The following TOGARAM2 variants were observed in gnomAD, a reference collection of about 807,000 sequenced individuals.
TOGARAM2 encodes the protein TOG array regulator of axonemal microtubules 2.
In TOGARAM2, 85 loss-of-function variants were observed where a neutral mutation model predicts 93.3. That is an observed-to-expected ratio of 0.91 (90% CI 0.76 to 1.09). The LOEUF (loss-of-function observed/expected upper bound fraction) is 1.09, where lower values mean the gene tolerates loss of function less well. Ranked by LOEUF, TOGARAM2 falls within the 50% of genes least tolerant of loss-of-function variation. TOGARAM2 has a pLI of 0.00. For synonymous variants in TOGARAM2, 593 were observed against 552.8 expected (o/e 1.07, Z -1.02); for missense variants, 1,277 against 1,334.5 (o/e 0.96, Z 0.67).
chr2:28,984,588 T>C (rs992321621), intron 1 of TOGARAM2, among the ~76,000 whole-genome samples: 1 of 152,244 alleles, frequency 6.6e-6, no homozygotes. Flanking sequence ...TTCAAGCTCC[T>C]GCTACTGGGC....
chr2:28,994,546 G>A (rs1331259497), intron 1 of TOGARAM2, among the ~76,000 whole-genome samples, 179 bp from the exon 2 acceptor site: 4 of 152,302 alleles, frequency 2.6e-5, no homozygotes, highest in East Asian at 1.9e-4. Context: ...AAAACCACAC[G>A]GCCTCGCACT....
chr2:29,024,482 G>A (rs1665201832), intron 13 of TOGARAM2, 108 bp downstream of exon 13: 2 of 789,880 alleles, frequency 2.5e-6, no homozygotes, highest in Admixed American at 2.2e-5. Flanking sequence ...GAGGGAGGGA[G>A]GGAAGCAGGC....
chr2:28,995,899 C>G (rs116414319), intron 2 of TOGARAM2, among the ~76,000 whole-genome samples: 2,862 of 152,162 alleles, frequency 0.019, 92 homozygotes, highest in African/African-American at 0.066. Context: ...GAGGTGGGCT[C>G]GGGAAGGGCT....
At chr2:28,987,429 G>T (rs1019309868) in intron 1 of TOGARAM2, among the ~76,000 whole-genome samples, 2 of 151,972 alleles carry the variant, frequency 1.3e-5, no homozygotes, top group Admixed American at 6.6e-5. Flanking sequence ...AGCTGGGACC[G>T]CAGGCATCCA....
intron 8 of TOGARAM2, 140 bp downstream of exon 8, chr2:29,014,701 A>G: frequency 9.1e-7 from 1 of 1,094,616 alleles, no homozygotes; most frequent in Non-Finnish European, 1.3e-6. Context: ...CCACCCAAGT[A>G]CTAAAGGCCA....
intron 6 of TOGARAM2, 84 bp downstream of exon 6, chr2:29,003,766 C>G: frequency 8.0e-7 from 1 of 1,255,940 alleles, no homozygotes; most frequent in Non-Finnish European, 1.1e-6. Flanking sequence ...GTGGCTGACC[C>G]TCCATGCTGT....
At chr2:29,036,486 G>A in intron 17 of TOGARAM2, 55 bp from the exon 18 acceptor site, 8 of 1,577,688 alleles carry the variant, frequency 5.1e-6, no homozygotes, top group Non-Finnish European at 7.0e-6. Context: ...CTGCACTGTG[G>A]GAGTCCTGCC....
intron 1 of TOGARAM2, among the ~76,000 whole-genome samples, chr2:28,975,110 AT>A (rs1365654066): frequency 6.8e-6 from 1 of 147,694 alleles, no homozygotes; most frequent in East Asian, 2.0e-4. Context: ...CAGATTATGT[AT>A]TTTTTAGTTT....
rs766837850 is a variant in TOGARAM2 at position 28,999,340 on chromosome 2, G to A, written c.299G>A (p.Gly100Glu). The change falls in exon 4 of 20, where the codon GGG (glycine) becomes GAG (glutamate). Residue 100 changes from glycine (G) to glutamate (E), a missense_variant. Gly to Glu is a moderately conservative substitution (Grantham distance 98). Coordinates refer to ENST00000379558, the MANE Select transcript of TOGARAM2 (RefSeq NM_199280.4). ...HPRNLRALSL[G>E]DQPLVLLPSP... ...AGGAACCTCAGGGCCTTGTCTTTGG[G>A]GGACCAGCCCCTGGTGCTCCTCCCT... 49 of 1,613,714 alleles carry A rather than the reference G, an allele frequency of 3.0e-5. No individual in the cohort carries two copies. The highest frequency in any genetic ancestry group is 4.0e-5 in the Non-Finnish European group (47 of 1,179,786).
chr2:28,974,380 G>A (rs866220334), intron 1 of TOGARAM2, among the ~76,000 whole-genome samples: 9 of 151,908 alleles, frequency 5.9e-5, no homozygotes, highest in Non-Finnish European at 8.8e-5. Context: ...CACATGCCTC[G>A]GCCTCTTAAC....
At chr2:28,992,931 A>G (rs932016439) in intron 1 of TOGARAM2, among the ~76,000 whole-genome samples, 6 of 152,112 alleles carry the variant, frequency 3.9e-5, no homozygotes, top group Non-Finnish European at 7.4e-5. Flanking sequence ...ATGGTGATGT[A>G]TGCCTGTAAT....
chr2:28,981,652 A>G (rs1672197987), intron 1 of TOGARAM2, 114 bp downstream of exon 1: 1 of 152,626 alleles, frequency 6.6e-6, no homozygotes, highest in African/African-American at 2.4e-5. Context: ...GAGCAAGCAC[A>G]AACACACAGA....
At chr2:28,958,727 G>A (rs1490394073) in intron 1 of TOGARAM2, among the ~76,000 whole-genome samples, 1 of 152,162 alleles carries the variant, frequency 6.6e-6, no homozygotes, top group African/African-American at 2.4e-5. Flanking sequence ...ATCTTCACCA[G>A]GCTTGTCGGG....
chr2:28,981,364 C>A lies in TOGARAM2; in HGVS notation c.-285C>A, dbSNP rs4476310. 25,107 of 152,376 alleles carry A rather than the reference C, an allele frequency of 0.16. 2,199 individuals are homozygous for A. Among genetic ancestry groups the A allele is most frequent in the South Asian group, 0.24 (1,137 of 4,826 alleles). The allele number at this position is 152,376 out of a possible 1,614,324, so 9.4% of individuals were successfully genotyped here. A position where few individuals can be genotyped will look rare whatever the true frequency, so the allele number is the denominator to read the frequency against. ...GCAGTGGAGCTCGTGGCCACCCAGCCCCTGCTCAGACAGGAGGCTGCGGCC... is the reference window on the plus strand; with the variant it reads ...GCAGTGGAGCTCGTGGCCACCCAGCACCTGCTCAGACAGGAGGCTGCGGCC... On this transcript the variant is annotated 5_prime_UTR_variant, in exon 1 of 20. Coordinates refer to ENST00000379558, the MANE Select transcript of TOGARAM2 (RefSeq NM_199280.4).
chr2:29,035,266 G>C (rs1185432177), intron 16 of TOGARAM2, among the ~76,000 whole-genome samples, 198 bp from the exon 17 acceptor site: 1 of 152,112 alleles, frequency 6.6e-6, no homozygotes, highest in South Asian at 2.1e-4. Flanking sequence ...GGTAGGAAGA[G>C]AGAGCCCTGG....
chr2:29,017,911 A>T lies in TOGARAM2; in HGVS notation c.1315A>T (p.Ile439Phe), dbSNP rs373667686. 6.2e-6 allele frequency: 10 copies of T among 1,611,386 alleles called. No homozygotes were observed. The African/African-American group carries it at 1.3e-4, about 22-fold the overall frequency. The change falls in exon 10 of 20, where the codon ATC (isoleucine) becomes TTC (phenylalanine). Residue 439 changes from isoleucine to phenylalanine, a missense_variant. Coordinates refer to ENST00000379558, the MANE Select transcript of TOGARAM2 (RefSeq NM_199280.4). ...KWASRASLPS[I>F]PISRQEPRFA... Reference sequence around the variant, plus strand: ...GGCCAGCCGGGCCTCCCTGCCCAGCATCCCCATCAGCCGGCAGGAGCCCCG... The same window carrying T: ...GGCCAGCCGGGCCTCCCTGCCCAGCTTCCCCATCAGCCGGCAGGAGCCCCG...
intron 1 of TOGARAM2, among the ~76,000 whole-genome samples, chr2:28,984,655 C>G (rs892401025): frequency 6.6e-6 from 1 of 152,306 alleles, no homozygotes; most frequent in African/African-American, 2.4e-5. Flanking sequence ...GGCAGTGGAC[C>G]AAGCCATTTT....
intron 6 of TOGARAM2, among the ~76,000 whole-genome samples, chr2:29,005,270 G>A (rs1673641418): frequency 6.8e-6 from 1 of 147,632 alleles, no homozygotes; most frequent in Non-Finnish European, 1.5e-5. Flanking sequence ...TGTGTGTGGA[G>A]TGTGTGTGCA....
At chr2:29,018,088 G>A (rs1339478877) in intron 10 of TOGARAM2, 132 bp downstream of exon 10, 3 of 1,073,742 alleles carry the variant, frequency 2.8e-6, no homozygotes, top group African/African-American at 3.2e-5. Flanking sequence ...GAGGCAGCCT[G>A]GGGTGGTGGT....
Sources: allele counts gnomAD v4.1 joint callset (sites outside exome capture counted in the v4.1 genomes callset), GRCh38; gene constraint gnomAD v4.1.1; transcripts MANE v1.5; gene names NCBI Gene and HGNC (gene_info 2026-07-23, HGNC 2026-07-21).